SH3PXD2B: variants seen among roughly 807,000 people sequenced by gnomAD.
The protein encoded by SH3PXD2B is SH3 and PX domain-containing protein 2B.
Under a neutral mutation model 73.1 loss-of-function variants are expected in SH3PXD2B, and 37 were observed. The observed-to-expected ratio is 0.51, with a 90% CI of 0.39 to 0.67. The LOEUF is 0.67. Among genes scored for constraint, SH3PXD2B ranks in the 30% least tolerant of loss-of-function variants. The pLI, the probability that SH3PXD2B is intolerant of heterozygous loss-of-function variation, is 0.00. For synonymous variants in SH3PXD2B, 457 were observed against 480.5 expected, an observed-to-expected ratio of 0.95 and a Z score of 0.64; for missense variants, 1,053 against 1,197.8, an observed-to-expected ratio of 0.88 and a Z score of 1.78.
intron 4 of SH3PXD2B, among the ~76,000 whole-genome samples, chr5:172,383,796 G>T (rs1391677477): frequency 6.6e-6 from 1 of 152,094 alleles, no homozygotes; most frequent in African/African-American, 2.4e-5. Flanking sequence ...TGCTGAGCCT[G>T]AGTCTCTGGG....
At chr5:172,373,007 T>C (rs1757739459) in intron 6 of SH3PXD2B, among the ~76,000 whole-genome samples, 1 of 152,228 alleles carries the variant, frequency 6.6e-6, no homozygotes, top group South Asian at 2.1e-4. Context: ...TATTCCTCTG[T>C]GCATACGCAA....
chr5:172,343,651 A>G (rs993440997), intron 12 of SH3PXD2B, among the ~76,000 whole-genome samples: 3 of 152,096 alleles, frequency 2.0e-5, no homozygotes, highest in African/African-American at 7.2e-5. Context: ...AAATACAAAA[A>G]AAAATTAGCC....
chr5:172,448,882 G>A (rs542364329), intron 1 of SH3PXD2B, among the ~76,000 whole-genome samples: 1 of 152,348 alleles, frequency 6.6e-6, no homozygotes, highest in East Asian at 1.9e-4. Context: ...CAGGTGCCAG[G>A]GATAGGAGGA....
At chr5:172,432,468 A>G (rs1002589779) in intron 1 of SH3PXD2B, among the ~76,000 whole-genome samples, 2 of 152,120 alleles carry the variant, frequency 1.3e-5, no homozygotes, top group African/African-American at 4.8e-5. Flanking sequence ...CGCTCATTCA[A>G]CCTCAGCTGG....
chr5:172,347,182 G>C (rs998745684), intron 11 of SH3PXD2B, 101 bp downstream of exon 11: 19 of 1,185,752 alleles, frequency 1.6e-5, no homozygotes, highest in Non-Finnish European at 2.3e-5. Flanking sequence ...GGACAGGAAA[G>C]AGAGCATTTC....
downstream of SH3PXD2B, among the ~76,000 whole-genome samples, chr5:172,329,540 C>CTTTTTTTTTTT (rs370876232): frequency 8.5e-4 from 90 of 106,442 alleles, 7 homozygotes; most frequent in African/African-American, 2.9e-3. Flanking sequence ...CTTTGTTATT[C>CTTTTTTTTTTT]TTTTTTTTTT....
intron 1 of SH3PXD2B, among the ~76,000 whole-genome samples, chr5:172,443,559 G>C (rs1271063057): frequency 6.6e-6 from 1 of 152,242 alleles, no homozygotes; most frequent in African/African-American, 2.4e-5. Flanking sequence ...ATTCTGAACA[G>C]ATGGTGACCT....
chr5:172,429,411 G>C (rs1010995368), intron 1 of SH3PXD2B, among the ~76,000 whole-genome samples: 3 of 152,172 alleles, frequency 2.0e-5, no homozygotes, highest in Non-Finnish European at 4.4e-5. Flanking sequence ...AGAGAGTCAC[G>C]GAGGTTTTCT....
In SH3PXD2B at chr5:172,348,655, C is replaced by T. The variant is rs373639398; in HGVS notation, c.1013-1323G>A. The stretch of plus-strand genomic sequence containing the variant: ...CTATCTATGTATCTATCTATCTATC[C>T]TATCTATCTATCTATCTATCTATCT... On this transcript the variant is annotated intron_variant, in intron 10 of 12. Coordinates refer to ENST00000311601, the MANE Select transcript of SH3PXD2B (RefSeq NM_001017995.3). Among the ~76,000 whole-genome samples the T allele has an allele frequency of 7.6e-3, 243 of 31,926 alleles. 1 individual carries two copies. The highest frequency in any genetic ancestry group is 0.017 in the African/African-American group (154 of 8,890). The allele number at this position is 31,926 out of a possible 152,430, so 20.9% of individuals were successfully genotyped here.
intron 2 of SH3PXD2B, among the ~76,000 whole-genome samples, chr5:172,409,756 C>T (rs543565406): frequency 6.6e-6 from 1 of 152,144 alleles, no homozygotes; most frequent in East Asian, 1.9e-4. Context: ...GCTCTTGTTG[C>T]CCAGGCTGGA....
chr5:172,404,151 G>A (rs1758496494), intron 3 of SH3PXD2B, among the ~76,000 whole-genome samples: 1 of 152,148 alleles, frequency 6.6e-6, no homozygotes, highest in African/African-American at 2.4e-5. Context: ...AGGAGGCCTG[G>A]CAAACACATG....
intron 5 of SH3PXD2B, among the ~76,000 whole-genome samples, chr5:172,378,782 T>G (rs927582514): frequency 3.3e-5 from 5 of 152,082 alleles, no homozygotes; most frequent in Non-Finnish European, 5.9e-5. Context: ...TGAAAGTGGC[T>G]CCTATAGGCC....
chr5:172,335,586 T>C lies in SH3PXD2B; in HGVS notation c.*2783A>G, dbSNP rs114303017. 1.1e-3 allele frequency: 1,328 copies of C among 1,231,810 alleles called. 20 individuals are homozygous for C. The African/African-American group carries it at 0.018, about 17-fold the overall frequency. The allele number at this position is 1,231,810 out of a possible 1,614,324, so 76.3% of individuals were successfully genotyped here. A position where few individuals can be genotyped will look rare whatever the true frequency, so the allele number is the denominator to read the frequency against. On this transcript the variant is annotated 3_prime_UTR_variant, in exon 13 of 13. Coordinates refer to ENST00000311601, the MANE Select transcript of SH3PXD2B (RefSeq NM_001017995.3). ...TAAGGATTAAAGGAGCGTGTGTGTT[T>C]AGGCACTGGTCACCAGCCCGGTGCT... is the stretch of plus-strand genomic sequence containing the variant.
At chr5:172,437,986 A>G (rs993182047) in intron 1 of SH3PXD2B, among the ~76,000 whole-genome samples, 3 of 152,196 alleles carry the variant, frequency 2.0e-5, no homozygotes, top group Non-Finnish European at 4.4e-5. Context: ...GCATATACAC[A>G]GAGACCTACT....
At chr5:172,363,073 C>G (rs973616563) in intron 6 of SH3PXD2B, among the ~76,000 whole-genome samples, 4 of 152,212 alleles carry the variant, frequency 2.6e-5, no homozygotes, top group African/African-American at 9.6e-5. Context: ...TTTGCAGGCA[C>G]TGGGGGTTCA....
chr5:172,358,899 A>G, intron 7 of SH3PXD2B, 22 bp from the exon 8 acceptor site: 1 of 1,609,214 alleles, frequency 6.2e-7, no homozygotes, highest in Non-Finnish European at 8.5e-7. Context: ...AGAGTGCAGA[A>G]TGATGTTAGT....
intron 1 of SH3PXD2B, among the ~76,000 whole-genome samples, chr5:172,442,129 T>C (rs1759563196): frequency 6.6e-6 from 1 of 152,178 alleles, no homozygotes; most frequent in Non-Finnish European, 1.5e-5. Flanking sequence ...AGCAATCCTA[T>C]GAGGTCACAC....
At chr5:172,390,688 T>C (rs1231350389) in intron 4 of SH3PXD2B, among the ~76,000 whole-genome samples, 4 of 152,250 alleles carry the variant, frequency 2.6e-5, no homozygotes, top group South Asian at 2.1e-4. Flanking sequence ...CCATGAACAT[T>C]TGCAGCCAAG....
intron 2 of SH3PXD2B, among the ~76,000 whole-genome samples, chr5:172,412,425 G>A (rs556841558): frequency 4.6e-5 from 7 of 152,148 alleles, no homozygotes; most frequent in Non-Finnish European, 8.8e-5. Flanking sequence ...CTCATGTGAC[G>A]AGCAGCTGCC....
Sources: gnomAD v4.1 joint callset for allele counts (sites outside exome capture counted in the v4.1 genomes callset) on GRCh38, gnomAD v4.1.1 for gene constraint, MANE v1.5 for transcripts, NCBI Gene and HGNC (gene_info 2026-07-23, HGNC 2026-07-21) for gene names.